The following RSPO4 variants were observed in gnomAD, a reference collection of about 807,000 sequenced individuals.
RSPO4 encodes the protein R-spondin 4.
Under a neutral mutation model 24.8 loss-of-function variants are expected in RSPO4, and 23 were observed. The observed-to-expected ratio is 0.93, with a 90% confidence interval of 0.67 to 1.31. The LOEUF (loss-of-function observed/expected upper bound fraction) is 1.31, where lower values mean the gene tolerates loss of function less well. Ranked by LOEUF, RSPO4 falls within the 40% of genes most tolerant of loss-of-function variation. The probability of loss-of-function intolerance (pLI) is 0.00; values close to 1 mark genes in which losing one functional copy is unlikely to be tolerated. For synonymous variants in RSPO4, 141 were observed against 127.4 expected, an observed-to-expected ratio of 1.11 and a Z score of -0.72; for missense variants, 333 against 316.5, an observed-to-expected ratio of 1.05 and a Z score of -0.39.
intron 2 of RSPO4, 73 bp downstream of exon 2, chr20:967,877 T>A: frequency 2.9e-6 from 4 of 1,397,806 alleles, no homozygotes; most frequent in Non-Finnish European, 4.1e-6. Context: ...TGTGCTGGGG[T>A]GAAAGGGTGG....
chr20:980,210 G>A (rs1215176766), intron 1 of RSPO4, among the ~76,000 whole-genome samples: 1 of 152,154 alleles, frequency 6.6e-6, no homozygotes, highest in African/African-American at 2.4e-5. Flanking sequence ...CAGGCAGTGT[G>A]ACTCTGAACC....
intron 1 of RSPO4, among the ~76,000 whole-genome samples, chr20:972,937 A>G (rs566124064): frequency 2.6e-5 from 4 of 152,232 alleles, no homozygotes; most frequent in Non-Finnish European, 5.9e-5. Flanking sequence ...TAAATTACAG[A>G]AAAACAAAGT....
At chr20:990,348 G>C (rs1600100005) in intron 1 of RSPO4, among the ~76,000 whole-genome samples, 1 of 152,344 alleles carries the variant, frequency 6.6e-6, no homozygotes, top group African/African-American at 2.4e-5. Context: ...GGAACTGTTT[G>C]CATTGCAGGG....
At chr20:978,619 C>G (rs1044296416) in intron 1 of RSPO4, among the ~76,000 whole-genome samples, 1 of 152,086 alleles carries the variant, frequency 6.6e-6, no homozygotes, top group African/African-American at 2.4e-5. Context: ...CAGGCCCATA[C>G]GAATGTGGAG....
chr20:992,539 C>T (rs760138336), intron 1 of RSPO4, among the ~76,000 whole-genome samples: 3 of 152,176 alleles, frequency 2.0e-5, no homozygotes, highest in Non-Finnish European at 4.4e-5. Flanking sequence ...ACCTCTCCCC[C>T]CATGACGCAT....
At chr20:988,688 T>C (rs1355114071) in intron 1 of RSPO4, among the ~76,000 whole-genome samples, 2 of 152,130 alleles carry the variant, frequency 1.3e-5, no homozygotes, top group Non-Finnish European at 2.9e-5. Context: ...GTAGCTGGGA[T>C]TACAGGCACC....
At position 1,002,021 on chromosome 20, in the gene RSPO4, G is replaced by A; in HGVS notation, c.79+65C>T. The A allele has an allele frequency of 2.1e-6, 3 of 1,412,366 alleles. No homozygotes were observed. The highest frequency in any genetic ancestry group is 5.1e-5 in the East Asian group (2 of 39,484). The allele number at this position is 1,412,366 out of a possible 1,614,324, so 87.5% of individuals were successfully genotyped here. A position where few individuals can be genotyped will look rare whatever the true frequency, so the allele number is the denominator to read the frequency against. ...GATGCCCCCAGAGCCGCCGCCCCCG[G>A]TCCTCCGGCCCCCGGTCTGCCCCGC... is the stretch of plus-strand genomic sequence containing the variant. On this transcript the variant is annotated intron_variant, in intron 1 of 4. Coordinates refer to ENST00000217260, the MANE Select transcript of RSPO4 (RefSeq NM_001029871.4). This position sits in a 1 kb window ranked among gnomAD's most constrained non-coding sequence, Gnocchi z 4.6.
At position 960,010 on chromosome 20, in the gene RSPO4, G is replaced by T. The variant is rs942864392; in HGVS notation, c.*347C>A. On this transcript the variant is annotated 3_prime_UTR_variant, in exon 5 of 5. Coordinates refer to ENST00000217260, the MANE Select transcript of RSPO4 (RefSeq NM_001029871.4). ...ACAGGCTCATGGTCCCTCTTAAAGTGTGTGTGAGAGGGAGACAAGAGGAGG... is the reference window on the plus strand; with the variant it reads ...ACAGGCTCATGGTCCCTCTTAAAGTTTGTGTGAGAGGGAGACAAGAGGAGG... 2.6e-6 allele frequency: 1 copy of T among 377,410 alleles called. No homozygotes were observed. Among genetic ancestry groups the T allele is most frequent in the Admixed American group, 4.3e-5 (1 of 23,146 alleles). The allele number at this position is 377,410 out of a possible 1,614,324, so 23.4% of individuals were successfully genotyped here.
At position 960,241 on chromosome 20, in the gene RSPO4, AAGAG is replaced by A. The variant is rs1264261351; in HGVS notation, c.*112_*115del. On this transcript the variant is annotated 3_prime_UTR_variant, in exon 5 of 5. Coordinates refer to ENST00000217260, the MANE Select transcript of RSPO4 (RefSeq NM_001029871.4). The stretch of plus-strand genomic sequence containing the variant: ...GAAAAATGATAGAAGGGTGGAAAGA[AAGAG>A]AGGACAAATGGAGAAGACAGAGGAG... The A allele has an allele frequency of 2.3e-5, 16 of 689,508 alleles. No individual in the cohort carries two copies. Among genetic ancestry groups the A allele is most frequent in the Non-Finnish European group, 3.8e-5 (15 of 390,948 alleles). The allele number at this position is 689,508 out of a possible 1,614,324, so 42.7% of individuals were successfully genotyped here.
chr20:963,789 G>C, intron 4 of RSPO4, 146 bp downstream of exon 4: 1 of 805,540 alleles, frequency 1.2e-6, no homozygotes, highest in Non-Finnish European at 2.1e-6. Flanking sequence ...CACCAGGGAA[G>C]GTGATGTGTA....
intron 1 of RSPO4, among the ~76,000 whole-genome samples, chr20:977,424 GT>G (rs951147196): frequency 6.6e-6 from 1 of 152,174 alleles, no homozygotes; most frequent in Non-Finnish European, 1.5e-5. Context: ...TTTCTCATCT[GT>G]AAAACAAGAA....
intron 1 of RSPO4, among the ~76,000 whole-genome samples, chr20:971,822 T>A (rs943105500): frequency 2.0e-5 from 3 of 152,200 alleles, no homozygotes; most frequent in Non-Finnish European, 4.4e-5. Context: ...TAAAAATGCA[T>A]AAAGAACAAA....
rs902915706 is a variant in RSPO4 at position 960,406 on chromosome 20, A to C, written c.656T>G (p.Leu219Arg). Residue 219 changes from leucine to arginine, a missense_variant, in exon 5 of 5, where the codon CTG (leucine) becomes CGG (arginine). Transcript: ENST00000217260. The part of the protein sequence containing the change: ...KDRRPRKDRK[L>R]DRRLDVRPRQ... ...CGGCCTCACGTCCAGCCTGCGGTCC[A>C]GCTTCCTGTCCTTGCGTGGGCGCCG... 7.1e-6 allele frequency: 11 copies of C among 1,539,576 alleles called. No individual in the cohort carries two copies. In the South Asian group the frequency reaches 1.2e-4, roughly 17 times the overall value.
At chr20:984,922 C>CATCCCCAT (rs778392406) in intron 1 of RSPO4, among the ~76,000 whole-genome samples, 1 of 115,888 alleles carries the variant, frequency 8.6e-6, no homozygotes, top group Non-Finnish European at 1.7e-5. Context: ...TCCATCCATC[C>CATCCCCAT]CCATCCATCC....
chr20:998,525 G>A (rs756026226), intron 1 of RSPO4, among the ~76,000 whole-genome samples: 2 of 152,180 alleles, frequency 1.3e-5, no homozygotes, highest in Admixed American at 6.5e-5. Flanking sequence ...ACGCAGTGAC[G>A]CCGGAGCCTG....
intron 1 of RSPO4, among the ~76,000 whole-genome samples, chr20:1,000,063 T>A (rs1019327960): frequency 1.1e-4 from 17 of 152,152 alleles, no homozygotes; most frequent in African/African-American, 3.6e-4. Context: ...AAGACAGGGT[T>A]TCATCATGTT....
At chr20:977,014 G>A (rs1984586163) in intron 1 of RSPO4, among the ~76,000 whole-genome samples, 1 of 152,086 alleles carries the variant, frequency 6.6e-6, no homozygotes, top group African/African-American at 2.4e-5. Flanking sequence ...CCTCCCTATT[G>A]TATTTCAGAT....
intron 1 of RSPO4, among the ~76,000 whole-genome samples, chr20:986,795 A>G (rs1984936862): frequency 6.6e-6 from 1 of 152,118 alleles, no homozygotes; most frequent in Non-Finnish European, 1.5e-5. Flanking sequence ...CAATAAGAAA[A>G]AGGGGAATGA....
At chr20:998,164 G>T (rs529103854) in intron 1 of RSPO4, among the ~76,000 whole-genome samples, 1 of 152,278 alleles carries the variant, frequency 6.6e-6, no homozygotes, top group East Asian at 1.9e-4. Context: ...TCTTCACTTT[G>T]CCCCTTGCTT....
Sources: gnomAD v4.1 joint callset for allele counts (sites outside exome capture counted in the v4.1 genomes callset) on GRCh38, gnomAD v4.1.1 for gene constraint, Gnocchi (gnomAD v3.1) non-coding constraint, MANE v1.5 for transcripts, NCBI Gene and HGNC (gene_info 2026-07-23, HGNC 2026-07-21) for gene names.